PEAK1: variants seen among roughly 807,000 people sequenced by gnomAD.
The protein encoded by PEAK1 is pseudopodium enriched atypical kinase 1, also known as inactive tyrosine-protein kinase PEAK1.
A neutral mutation model predicts 124.7 loss-of-function variants in PEAK1; 54 were observed. The observed-to-expected ratio is 0.43, with a 90% confidence interval of 0.35 to 0.54. The LOEUF is 0.54. Among genes scored for constraint, PEAK1 ranks in the 20% least tolerant of loss-of-function variants. The pLI, the probability that PEAK1 is intolerant of heterozygous loss-of-function variation, is 0.01. For missense variants in PEAK1, 2,046 were observed against 2,134.5 expected, an observed-to-expected ratio of 0.96 and a Z score of 0.82; for synonymous variants, 719 against 760.0, an observed-to-expected ratio of 0.95 and a Z score of 0.89.
At chr15:77,203,658 A>T (rs1421416993) in intron 6 of PEAK1, among the ~76,000 whole-genome samples, 1 of 152,014 alleles carries the variant, frequency 6.6e-6, no homozygotes, top group East Asian at 1.9e-4. Context: ...AAGGAAATTC[A>T]GTGGAGAAAG....
intron 1 of PEAK1, among the ~76,000 whole-genome samples, chr15:77,398,575 T>TA (rs61315578): frequency 1.1e-4 from 17 of 151,550 alleles, no homozygotes; most frequent in Admixed American, 3.3e-4. Flanking sequence ...TCCTTCATGA[T>TA]AAAAAAAAAT....
chr15:77,133,644 A>G lies in PEAK1; in HGVS notation c.3438T>C (p.Asn1146=). Residue 1146 remains asparagine, a synonymous_variant, in exon 9 of 10, where the codon AAT becomes AAC. Transcript: ENST00000682557. The surrounding 1 kb of genome is among the most constrained non-coding windows in gnomAD (Gnocchi z 4.2). ...FGGKTDQEAP[N]ASQPTPPPLP... is the part of the protein sequence containing the mutation. The stretch of plus-strand genomic sequence containing the variant: ...GTGGGGGTGGTGTAGGTTGGGAAGC[A>G]TTGGGTGCTTCTTGGTCTGTTTTCC... 6.2e-7 allele frequency: 1 copy of G among 1,614,066 alleles called. No individual in the cohort carries two copies. The highest frequency in any genetic ancestry group is 8.5e-7 in the Non-Finnish European group (1 of 1,179,994).
At chr15:77,124,957 T>C (rs1410807418) in intron 9 of PEAK1, among the ~76,000 whole-genome samples, 1 of 152,234 alleles carries the variant, frequency 6.6e-6, no homozygotes, top group East Asian at 1.9e-4. Context: ...TCTTTACATC[T>C]CTGCATACCA....
At position 77,262,037 on chromosome 15, in the gene PEAK1, T is replaced by C. The variant is rs576993910; in HGVS notation, c.-274-9511A>G. 4.3e-3 allele frequency among the ~76,000 whole-genome samples: 647 copies of C among 152,138 alleles called. 4 individuals carry two copies. Among genetic ancestry groups the C allele is most frequent in the Middle Eastern group, 6.8e-3 (2 of 294 alleles). On this transcript the variant is annotated intron_variant, in intron 5 of 9. Transcript: ENST00000682557. The stretch of plus-strand genomic sequence containing the variant: ...CTTCATAAGTGAAGGAGAAATAAAA[T>C]ACTTTACAGACAAGCAAATGCTGAG...
intron 2 of PEAK1, among the ~76,000 whole-genome samples, chr15:77,329,564 C>G (rs2065778434): frequency 6.6e-6 from 1 of 152,086 alleles, no homozygotes. Flanking sequence ...TTGGTGTAAT[C>G]AAGCAAATCA....
At chr15:77,377,489 G>C (rs1171406122) in intron 1 of PEAK1, among the ~76,000 whole-genome samples, 2 of 146,454 alleles carry the variant, frequency 1.4e-5, no homozygotes, top group Non-Finnish European at 3.0e-5. Context: ...GTCTCACTCT[G>C]TTGCCCAGGC....
At chr15:77,384,994 T>A (rs2069803957) in intron 1 of PEAK1, among the ~76,000 whole-genome samples, 2 of 152,068 alleles carry the variant, frequency 1.3e-5, no homozygotes, top group Admixed American at 6.6e-5. Context: ...GGTGAAAGAG[T>A]GCTTACAGAA....
chr15:77,384,614 T>C (rs560617403), intron 1 of PEAK1, among the ~76,000 whole-genome samples: 1 of 152,352 alleles, frequency 6.6e-6, no homozygotes, highest in Non-Finnish European at 1.5e-5. Flanking sequence ...GTCCTTACTG[T>C]TGTGGTATTT....
chr15:77,399,176 C>T (rs1389202955), intron 1 of PEAK1, among the ~76,000 whole-genome samples: 1 of 151,946 alleles, frequency 6.6e-6, no homozygotes, highest in Non-Finnish European at 1.5e-5. Context: ...TTAAAATGTC[C>T]ACACAACCTA....
At chr15:77,284,432 G>A (rs191076382) in intron 4 of PEAK1, among the ~76,000 whole-genome samples, 1 of 152,280 alleles carries the variant, frequency 6.6e-6, no homozygotes, top group East Asian at 1.9e-4. Context: ...TATGAAAACA[G>A]GTTAAGATAC....
At chr15:77,408,154 T>TATACACACAC (rs1555504227) in intron 1 of PEAK1, among the ~76,000 whole-genome samples, 245 of 144,408 alleles carry the variant, frequency 1.7e-3, no homozygotes, top group East Asian at 0.01. Flanking sequence ...CATATATACA[T>TATACACACAC]ACACACACAC....
intron 5 of PEAK1, among the ~76,000 whole-genome samples, chr15:77,265,228 T>A (rs2061658055): frequency 6.6e-6 from 1 of 152,058 alleles, no homozygotes; most frequent in Non-Finnish European, 1.5e-5. Flanking sequence ...CCAAAAGCAA[T>A]GGCAACAAAA....
At chr15:77,259,233 C>G (rs2061320789) in intron 5 of PEAK1, among the ~76,000 whole-genome samples, 1 of 152,084 alleles carries the variant, frequency 6.6e-6, no homozygotes, top group African/African-American at 2.4e-5. Flanking sequence ...TTTTAAATGA[C>G]TAGATCAAAT....
At chr15:77,220,153 T>A (rs982625009) in intron 6 of PEAK1, among the ~76,000 whole-genome samples, 1 of 152,034 alleles carries the variant, frequency 6.6e-6, no homozygotes, top group Non-Finnish European at 1.5e-5. Context: ...AGTAAAAGTG[T>A]GCTCCTCAAT....
intron 1 of PEAK1, among the ~76,000 whole-genome samples, chr15:77,368,842 A>G (rs1417837479): frequency 6.6e-6 from 1 of 152,214 alleles, no homozygotes; most frequent in African/African-American, 2.4e-5. Context: ...TTCTCATGAC[A>G]GAAAAATCTG....
At chr15:77,411,508 C>G (rs2072409111) in intron 1 of PEAK1, among the ~76,000 whole-genome samples, 1 of 152,200 alleles carries the variant, frequency 6.6e-6, no homozygotes, top group African/African-American at 2.4e-5. Flanking sequence ...TGACAAGTTT[C>G]TTGACGCACA....
At chr15:77,204,164 C>A (rs1596594221) in intron 6 of PEAK1, among the ~76,000 whole-genome samples, 1 of 152,120 alleles carries the variant, frequency 6.6e-6, no homozygotes, top group Non-Finnish European at 1.5e-5. Flanking sequence ...CACCACATCA[C>A]GTTATTAGGG....
intron 6 of PEAK1, among the ~76,000 whole-genome samples, chr15:77,190,673 C>T (rs2057788935): frequency 6.6e-6 from 1 of 152,140 alleles, no homozygotes; most frequent in Non-Finnish European, 1.5e-5. Context: ...GAAAGGCTCA[C>T]TTAATATGTA....
intron 5 of PEAK1, among the ~76,000 whole-genome samples, chr15:77,253,072 T>A (rs555317790): frequency 6.6e-6 from 1 of 152,322 alleles, no homozygotes; most frequent in South Asian, 2.1e-4. Flanking sequence ...CTTGAGCATC[T>A]ATCTTATACA....
Sources: allele counts gnomAD v4.1 joint callset (sites outside exome capture counted in the v4.1 genomes callset), GRCh38; gene constraint gnomAD v4.1.1; non-coding constraint Gnocchi (gnomAD v3.1); transcripts MANE v1.5; gene names NCBI Gene and HGNC (gene_info 2026-07-23, HGNC 2026-07-21).